BORCS7: variants seen among roughly 807,000 people sequenced by gnomAD.
BORCS7 encodes BLOC-1-related complex subunit 7.
BORCS7 carries 20 observed loss-of-function variants against 17.5 expected under a neutral mutation model. That is an observed-to-expected ratio of 1.14 (90% CI 0.80 to 1.66). The LOEUF (loss-of-function observed/expected upper bound fraction) is 1.66, where lower values mean the gene tolerates loss of function less well. Among genes scored for constraint, BORCS7 ranks in the 40% most tolerant of loss-of-function variants. BORCS7 has a pLI of 0.00. For synonymous variants in BORCS7, 57 were observed against 49.8 expected (o/e 1.14, Z -0.61); for missense variants, 122 against 129.7 (o/e 0.94, Z 0.29).
chr10:102,862,722 G>T, intron 4 of BORCS7, 151 bp from the exon 5 acceptor site: 1 of 660,692 alleles, frequency 1.5e-6, no homozygotes. Context: ...GCTGAGGCTG[G>T]AGGATTGCTT....
rs958416786 is a variant in BORCS7 at position 102,858,312 on chromosome 10, T to G, written c.142-2020T>G. Among the ~76,000 whole-genome samples the G allele has an allele frequency of 2.6e-5, 4 of 151,770 alleles. No homozygotes were observed. The East Asian group carries it at 7.8e-4, about 29-fold the overall frequency. ...GAAAATAAATACATGTGTCCATTGT[T>G]TAAAAAGGAACAATGGAAAGAAAAC... On this transcript the variant is annotated intron_variant, in intron 1 of 4. Coordinates refer to ENST00000339834, the MANE Select transcript of BORCS7 (RefSeq NM_001136200.2).
At chr10:102,862,285 C>A in intron 4 of BORCS7, 105 bp downstream of exon 4, 2 of 1,086,844 alleles carry the variant, frequency 1.8e-6, no homozygotes, top group Non-Finnish European at 2.7e-6. Context: ...TGACACCTGC[C>A]CTCAAATTGA....
At chr10:102,855,473 G>C (rs560496677) in intron 1 of BORCS7, among the ~76,000 whole-genome samples, 2 of 152,204 alleles carry the variant, frequency 1.3e-5, no homozygotes, top group Admixed American at 1.3e-4. Flanking sequence ...TTCTTGAGCA[G>C]TCTCCACATA....
chr10:102,862,285 C>T (rs1844534845), intron 4 of BORCS7, 105 bp downstream of exon 4: 1 of 1,086,846 alleles, frequency 9.2e-7, no homozygotes, highest in Non-Finnish European at 1.4e-6. Context: ...TGACACCTGC[C>T]CTCAAATTGA....
At chr10:102,856,962 A>T (rs905502472) in intron 1 of BORCS7, among the ~76,000 whole-genome samples, 2 of 152,054 alleles carry the variant, frequency 1.3e-5, no homozygotes. Flanking sequence ...CTGCTGTGTC[A>T]TCCTAACCAA....
At position 102,863,164 on chromosome 10, in the gene BORCS7, T is replaced by G; in HGVS notation, c.*240T>G. ...GCCTGGCCAAGATGGTGAAACCCCG[T>G]CTCTACTAAAAATACAAAGAATTAG... On this transcript the variant is annotated 3_prime_UTR_variant, in exon 5 of 5. Transcript: ENST00000339834. 1 of 356,970 alleles carries G rather than the reference T, an allele frequency of 2.8e-6. No homozygotes were observed. Among genetic ancestry groups the G allele is most frequent in the East Asian group, 5.7e-5 (1 of 17,574 alleles). The allele number at this position is 356,970 out of a possible 1,614,324, so 22.1% of individuals were successfully genotyped here.
chr10:102,855,721 G>C (rs570076273), intron 1 of BORCS7, among the ~76,000 whole-genome samples: 7 of 152,062 alleles, frequency 4.6e-5, no homozygotes, highest in Non-Finnish European at 8.8e-5. Flanking sequence ...AATTAATCTG[G>C]GAATAGAGAG....
intron 1 of BORCS7, among the ~76,000 whole-genome samples, chr10:102,855,822 CCG>C (rs1844417608): frequency 6.6e-6 from 1 of 151,974 alleles, no homozygotes; most frequent in Non-Finnish European, 1.5e-5. Flanking sequence ...GTGCAGTGGC[CCG>C]ATCTCGGGCT....
chr10:102,861,672 G>A (rs952516326), intron 3 of BORCS7, among the ~76,000 whole-genome samples: 2 of 151,766 alleles, frequency 1.3e-5, no homozygotes, highest in Non-Finnish European at 2.9e-5. Flanking sequence ...AGCTGAGATC[G>A]GGCACCACTC....
At chr10:102,862,835 T>C (rs1844541506) in intron 4 of BORCS7, 38 bp from the exon 5 acceptor site, 5 of 1,558,768 alleles carry the variant, frequency 3.2e-6, no homozygotes, top group African/African-American at 1.4e-5. Flanking sequence ...TTATTATTGC[T>C]CATTTCAGAT....
chr10:102,859,032 G>A (rs185320377), intron 1 of BORCS7, among the ~76,000 whole-genome samples: 11 of 151,956 alleles, frequency 7.2e-5, no homozygotes, highest in African/African-American at 1.2e-4. Flanking sequence ...AGCTCTCCTT[G>A]ACTGTAGACC....
At chr10:102,854,657 T>C (rs1844395558) in intron 1 of BORCS7, 2 of 407,538 alleles carry the variant, frequency 4.9e-6, no homozygotes, top group African/African-American at 4.1e-5. Context: ...ACCTGTGCTT[T>C]AAAACAGCTC....
rs937147587 is a variant in BORCS7 at position 102,864,298 on chromosome 10, C to T, written c.*1374C>T. On this transcript the variant is annotated 3_prime_UTR_variant, in exon 5 of 5. Transcript: ENST00000339834. ...TATTTCTCATACATATGGATATTAA[C>T]TTAAGGTAAAAAAGCTGGATGTGAA... 2 of 152,192 alleles carry T rather than the reference C, an allele frequency of 1.3e-5. No individual in the cohort carries two copies. The highest frequency in any genetic ancestry group is 2.1e-4 in the South Asian group (1 of 4,818). 9.4% of individuals were successfully genotyped at this position (152,192 alleles called of 1,614,324 possible). A position where few individuals can be genotyped will look rare whatever the true frequency, so the allele number is the denominator to read the frequency against.
rs1844386691 is a variant in BORCS7, at chr10:102,854,284, G to GA, written c.1dup. 1 of 1,605,836 alleles carries GA rather than the reference G, an allele frequency of 6.2e-7. No individual in the cohort carries two copies. Among genetic ancestry groups the GA allele is most frequent in the East Asian group, 2.2e-5 (1 of 44,720 alleles). Reference sequence around the variant, plus strand: ...GTCAGTGCGCAACCGTTCGCTAACTGAAATGATGGCGACTGGAACGCCAGA... The same window carrying GA: ...GTCAGTGCGCAACCGTTCGCTAACTGAAAATGATGGCGACTGGAACGCCAGA... On this transcript the variant is annotated 5_prime_UTR_variant, in exon 1 of 5. Coordinates refer to ENST00000339834, the MANE Select transcript of BORCS7 (RefSeq NM_001136200.2).
chr10:102,854,372 GTACTGACGTAATCGCGC>G lies in BORCS7; in HGVS notation c.88_104del (p.Thr30HisfsTer34). 1 of 1,571,576 alleles carries G rather than the reference GTACTGACGTAATCGCGC, an allele frequency of 6.4e-7. No individual in the cohort carries two copies. Among genetic ancestry groups the G allele is most frequent in the Non-Finnish European group, 8.6e-7 (1 of 1,157,160 alleles). On this transcript the variant is annotated frameshift_variant, in exon 1 of 5. Coordinates refer to ENST00000339834, the MANE Select transcript of BORCS7 (RefSeq NM_001136200.2). LOFTEE classifies it high-confidence loss of function. ...CTCACGGAGAAGGTGACCACCTGTG[GTACTGACGTAATCGCGC>G]TCACCAAGCAGGTGCTGAAAGGCTC...
Position 102,860,215 on chromosome 10 carries a change from G to A in BORCS7, c.142-117G>A, listed in dbSNP as rs533820998. ...CCTTCATTACATTTTGAGTGTTTGT[G>A]GTTGTATAGGGTGGAGGAGTGGGAG... On this transcript the variant is annotated intron_variant, in intron 1 of 4. Transcript: ENST00000339834. 597 of 772,648 alleles carry A rather than the reference G, an allele frequency of 7.7e-4. 4 individuals carry two copies. The African/African-American group carries it at 9.2e-3, about 12-fold the overall frequency. The allele number at this position is 772,648 out of a possible 1,614,324, so 47.9% of individuals were successfully genotyped here.
chr10:102,863,033 G>T lies in BORCS7; in HGVS notation c.*109G>T. 1.8e-6 allele frequency: 2 copies of T among 1,094,356 alleles called. No individual in the cohort carries two copies. The highest frequency in any genetic ancestry group is 2.6e-5 in the South Asian group (2 of 77,164). 67.8% of individuals were successfully genotyped at this position (1,094,356 alleles called of 1,614,324 possible). On this transcript the variant is annotated 3_prime_UTR_variant, in exon 5 of 5. Coordinates refer to ENST00000339834, the MANE Select transcript of BORCS7 (RefSeq NM_001136200.2). ...TTCTATTTTCTTCTCCAAAAGTTAA[G>T]TTAGAAAAGTTCTGTGTTAGGGCCG...
chr10:102,862,128 T>C lies in BORCS7; in HGVS notation c.249-32T>C, dbSNP rs766498697. 4 of 1,582,068 alleles carry C rather than the reference T, an allele frequency of 2.5e-6. No homozygotes were observed. The East Asian group carries it at 8.9e-5, about 35-fold the overall frequency. ...TAAATGAAACTTATTAGTTCACTTA[T>C]GTGTATTTTCCTCTTTCCTTTTCTG... On this transcript the variant is annotated intron_variant, in intron 3 of 4. Transcript: ENST00000339834.
Position 102,858,207 on chromosome 10 carries a change from C to CGAGAGAGA in BORCS7, c.142-2111_142-2104dup, listed in dbSNP as rs148405072. 2.7e-3 allele frequency among the ~76,000 whole-genome samples: 325 copies of CGAGAGAGA among 121,256 alleles called. 1 individual carries two copies. The highest frequency in any genetic ancestry group is 8.5e-3 in the African/African-American group (286 of 33,514). The allele number at this position is 121,256 out of a possible 152,430, so 79.5% of individuals were successfully genotyped here. ...TATATATATAGAGAGAGAGAGCGAG[C>CGAGAGAGA]GAGAGAGAGAGAGAGAGAGAGCAAG... On this transcript the variant is annotated intron_variant, in intron 1 of 4. Coordinates refer to ENST00000339834, the MANE Select transcript of BORCS7 (RefSeq NM_001136200.2).
Sources: allele counts gnomAD v4.1 joint callset (sites outside exome capture counted in the v4.1 genomes callset), GRCh38; gene constraint gnomAD v4.1.1; transcripts MANE v1.5; gene names NCBI Gene and HGNC (gene_info 2026-07-23, HGNC 2026-07-21).